The following DENND6B variants were observed in gnomAD, a reference collection of about 807,000 sequenced individuals.
The protein encoded by DENND6B is protein DENND6B.
DENND6B carries 73 observed loss-of-function variants against 85.1 expected under a neutral mutation model. The observed-to-expected ratio is 0.86, with a 90% CI of 0.71 to 1.04. The LOEUF (loss-of-function observed/expected upper bound fraction) is 1.04. DENND6B is among the 50% of genes least tolerant of loss of function. DENND6B has a pLI of 0.00. For missense variants in DENND6B, 715 were observed against 785.8 expected, an observed-to-expected ratio of 0.91 and a Z score of 1.08; for synonymous variants, 357 against 329.3, an observed-to-expected ratio of 1.08 and a Z score of -0.91.
chr22:50,319,188 A>G (rs2041961208), intron 1 of DENND6B, 185 bp from the exon 2 acceptor site: 4 of 1,507,910 alleles, frequency 2.7e-6, no homozygotes, highest in Non-Finnish European at 3.5e-6. Context: ...TCCTCCCCAC[A>G]CCATATTCTC....
rs779572674 is a variant in DENND6B at position 50,312,210 on chromosome 22, C to T, written c.1687G>A (p.Ala563Thr). ...LPVKEATLQR[A>T]QLYIETVIGS... is the part of the protein sequence containing the mutation. ...ATGACCGTCTCGATGTACAGCTGTG[C>T]CCGCTGCAGCGTAGCCTCCTTCACA... The change falls in exon 20 of 20, where the codon GCA (alanine) becomes ACA (threonine). Residue 563 changes from alanine to threonine, a missense_variant. Coordinates refer to ENST00000413817, the MANE Select transcript of DENND6B (RefSeq NM_001001794.4). 4.3e-6 allele frequency: 7 copies of T among 1,612,234 alleles called. No homozygotes were observed. The highest frequency in any genetic ancestry group is 2.2e-5 in the East Asian group (1 of 44,882).
chr22:50,311,912 A>T lies in DENND6B; in HGVS notation c.*227T>A, dbSNP rs2068066388. The T allele has an allele frequency of 2.8e-6, 2 of 713,584 alleles. No individual in the cohort carries two copies. The highest frequency in any genetic ancestry group is 2.9e-5 in the East Asian group (1 of 34,162). The allele number at this position is 713,584 out of a possible 1,614,324, so 44.2% of individuals were successfully genotyped here. A position where few individuals can be genotyped will look rare whatever the true frequency, so the allele number is the denominator to read the frequency against. On this transcript the variant is annotated 3_prime_UTR_variant, in exon 20 of 20. Transcript: ENST00000413817. ...GGTCTGCAGAGGCCAGGTGGGACCC[A>T]GGAGGAGGCAAGGCTCTGCCTGCGA... is the stretch of plus-strand genomic sequence containing the variant.
intron 1 of DENND6B, among the ~76,000 whole-genome samples, chr22:50,320,239 G>C (rs891077166): frequency 3.3e-5 from 5 of 152,254 alleles, no homozygotes; most frequent in African/African-American, 2.4e-5. Context: ...GTTTCTGAGA[G>C]ACAGGGTCTC....
chr22:50,319,112 T>TG lies in DENND6B; in HGVS notation c.178-110dup, dbSNP rs767827011. On this transcript the variant is annotated intron_variant, in intron 1 of 19. Coordinates refer to ENST00000413817, the MANE Select transcript of DENND6B (RefSeq NM_001001794.4). Reference sequence around the variant, plus strand: ...TCCCAGCAGCTGCAGCATCTGTCTGTGGGGCGCAGGTCAGTGCCCAAGGTG... The same window carrying TG: ...TCCCAGCAGCTGCAGCATCTGTCTGTGGGGGCGCAGGTCAGTGCCCAAGGTG... 68 of 1,542,196 alleles carry TG rather than the reference T, an allele frequency of 4.4e-5. 2 individuals are homozygous for TG. In the East Asian group the frequency reaches 8.8e-4, roughly 20 times the overall value.
Position 50,313,483 on chromosome 22 carries a change from C to T in DENND6B, c.1310G>A (p.Ser437Asn), listed in dbSNP as rs772449990. The stretch of plus-strand genomic sequence containing the variant: ...GATGCTCTTCTGCAGGGGCATGAGG[C>T]TGGCCATGTAGTGCTCCTGGGTGGG... ...FIIPLEHYMASLMPLQKSITP... is the reference protein window; with the variant it reads ...FIIPLEHYMANLMPLQKSITP... Residue 437 changes from serine (S) to asparagine (N), a missense_variant, in exon 16 of 20, where the codon AGC becomes AAC. Transcript: ENST00000413817. 3 of 1,552,646 alleles carry T rather than the reference C, an allele frequency of 1.9e-6. No homozygotes were observed. The highest frequency in any genetic ancestry group is 2.6e-6 in the Non-Finnish European group (3 of 1,148,828).
intron 3 of DENND6B, among the ~76,000 whole-genome samples, chr22:50,318,584 C>A (rs1406463043): frequency 6.6e-6 from 1 of 152,178 alleles, no homozygotes; most frequent in African/African-American, 2.4e-5. Flanking sequence ...CAGCCCCTGG[C>A]GGCCACTGTG....
intron 11 of DENND6B, 25 bp downstream of exon 11, chr22:50,314,580 G>A: frequency 6.4e-7 from 1 of 1,556,696 alleles, no homozygotes; most frequent in Non-Finnish European, 8.7e-7. Context: ...GCAAGGGCAA[G>A]AGGCGGGGCA....
In DENND6B at chr22:50,314,818, T is replaced by C. The variant is rs1474913173; in HGVS notation, c.862A>G (p.Met288Val). The change falls in exon 10 of 20, where the codon ATG becomes GTG. Residue 288 changes from methionine (M) to valine (V), a missense_variant. Coordinates refer to ENST00000413817, the MANE Select transcript of DENND6B (RefSeq NM_001001794.4). ...LAPSPDVSSE[M>V]VLALTSCLQP... ...CGATACCTGGTCAAGGCCAGCACCA[T>C]CTCCGAGGACACGTCGGGCGAGGGT... 6.2e-7 allele frequency: 1 copy of C among 1,609,138 alleles called. No homozygotes were observed. Among genetic ancestry groups the C allele is most frequent in the East Asian group, 2.2e-5 (1 of 44,770 alleles).
rs2042206255 is a variant in DENND6B at position 50,326,936 on chromosome 22, G to A, written c.53C>T (p.Ala18Val). ...GPRRARGCLG[A>V]AGPTSSGRAA... is the part of the protein sequence containing the mutation. ...GCGACCTGAAGACGTGGGTCCAGCC[G>A]CGCCCAGGCAGCCGCGAGCCCGGCG... is the stretch of plus-strand genomic sequence containing the variant. Residue 18 changes from alanine to valine, a missense_variant, in exon 1 of 20, where the codon GCG becomes GTG. Coordinates refer to ENST00000413817, the MANE Select transcript of DENND6B (RefSeq NM_001001794.4). 3 of 1,302,006 alleles carry A rather than the reference G, an allele frequency of 2.3e-6. No individual in the cohort carries two copies. The highest frequency in any genetic ancestry group is 2.9e-6 in the Non-Finnish European group (3 of 1,030,874). 80.7% of individuals were successfully genotyped at this position (1,302,006 alleles called of 1,614,324 possible).
At chr22:50,313,984 C>T in intron 13 of DENND6B, 106 bp from the exon 14 acceptor site, 2 of 1,407,644 alleles carry the variant, frequency 1.4e-6, no homozygotes, top group Non-Finnish European at 1.9e-6. Context: ...CCTGCAGCCC[C>T]ATGCCCTTGG....
rs200291783 is a variant in DENND6B at position 50,314,861 on chromosome 22, C to T, written c.819G>A (p.Glu273=). Reference sequence around the variant, plus strand: ...GCGAGGGTGCCAGGACTAGCAGGGGCTCCCCGAGGAGCATGAGCTCCCACA... The same window carrying T: ...GCGAGGGTGCCAGGACTAGCAGGGGTTCCCCGAGGAGCATGAGCTCCCACA... The part of the protein sequence containing the change: ...QTLWELMLLG[E]PLLVLAPSPD... The change falls in exon 10 of 20, where the codon GAG becomes GAA. Residue 273 remains glutamate (E), a synonymous_variant. Transcript: ENST00000413817. 24 of 1,612,056 alleles carry T rather than the reference C, an allele frequency of 1.5e-5. No homozygotes were observed. In the East Asian group the frequency reaches 5.3e-4, roughly 36 times the overall value.
At chr22:50,319,066 G>C (rs1328232444) in intron 1 of DENND6B, 63 bp from the exon 2 acceptor site, 1 of 1,551,306 alleles carries the variant, frequency 6.4e-7, no homozygotes, top group South Asian at 1.2e-5. Flanking sequence ...CCCCTCGACA[G>C]CATCTGCTGG....
intron 1 of DENND6B, 55 bp downstream of exon 1, chr22:50,326,757 C>A: frequency 7.6e-7 from 1 of 1,309,666 alleles, no homozygotes; most frequent in Non-Finnish European, 9.7e-7. Context: ...GCGGGACTGG[C>A]CCCGAGAGGC....
chr22:50,319,452 G>C, intron 1 of DENND6B: 3 of 985,348 alleles, frequency 3.0e-6, no homozygotes, highest in Non-Finnish European at 3.6e-6. Context: ...TGCCCAGACT[G>C]CAGTTGGGCC....
intron 9 of DENND6B, 59 bp downstream of exon 9, chr22:50,315,655 T>TGCACGTGCAC: frequency 6.5e-7 from 1 of 1,526,874 alleles, no homozygotes; most frequent in East Asian, 2.4e-5. Context: ...TGCACGTACA[T>TGCACGTGCAC]GCACGTGCAC....
rs1423626949 is a variant in DENND6B, at chr22:50,311,947, A to G, written c.*192T>C. 3.1e-6 allele frequency: 3 copies of G among 970,014 alleles called. No individual in the cohort carries two copies. The highest frequency in any genetic ancestry group is 5.4e-5 in the East Asian group (2 of 37,182). 60.1% of individuals were successfully genotyped at this position (970,014 alleles called of 1,614,324 possible). A position where few individuals can be genotyped will look rare whatever the true frequency, so the allele number is the denominator to read the frequency against. ...AAGGCTCTGCCTGCGAGGAACCCCT[A>G]TGGTCAAGGCCATGCTGTGGTTCCA... On this transcript the variant is annotated 3_prime_UTR_variant, in exon 20 of 20. Coordinates refer to ENST00000413817, the MANE Select transcript of DENND6B (RefSeq NM_001001794.4).
At chr22:50,314,564 G>C (rs373439929) in intron 11 of DENND6B, 41 bp downstream of exon 11, 1 of 1,554,648 alleles carries the variant, frequency 6.4e-7, no homozygotes. Flanking sequence ...CGAGAGGCAG[G>C]GCGGAGCAAG....
intron 1 of DENND6B, among the ~76,000 whole-genome samples, 163 bp downstream of exon 1, chr22:50,326,649 G>GC (rs2042196895): frequency 6.6e-6 from 1 of 152,258 alleles, no homozygotes; most frequent in African/African-American, 2.4e-5. Context: ...TCCCTCCTCG[G>GC]CCTGGGGAGC....
chr22:50,317,950 G>T lies in DENND6B; in HGVS notation c.330C>A (p.Ala110=). The T allele has an allele frequency of 1.2e-6, 2 of 1,611,726 alleles. No individual in the cohort carries two copies. Among genetic ancestry groups the T allele is most frequent in the Non-Finnish European group, 1.7e-6 (2 of 1,179,666 alleles). The part of the protein sequence containing the change: ...QCGGQRSPWH[A]DDRHYNSRAP... ...CCCTGCTGTTGTAGTGCCTGTCGTC[G>T]GCATGCCAGGGGCTCCTCTGCCCTC... Residue 110 remains alanine, a synonymous_variant, in exon 4 of 20, where the codon GCC becomes GCA. Coordinates refer to ENST00000413817, the MANE Select transcript of DENND6B (RefSeq NM_001001794.4).
Sources: allele counts gnomAD v4.1 joint callset (sites outside exome capture counted in the v4.1 genomes callset), GRCh38; gene constraint gnomAD v4.1.1; transcripts MANE v1.5; gene names NCBI Gene and HGNC (gene_info 2026-07-23, HGNC 2026-07-21).